Variants in HTT observed in about 807,000 individuals in gnomAD.
HTT encodes the protein huntingtin, also known as huntington disease protein.
HTT carries 104 observed loss-of-function variants against 362.3 expected under a neutral mutation model. The ratio of observed to expected loss-of-function variants is 0.29; its 90% CI spans 0.24 to 0.34. HTT has a LOEUF of 0.34. HTT is among the 10% of genes least tolerant of loss of function. The pLI is 1.00. For missense variants in HTT, 3,301 were observed against 3,928.6 expected (o/e 0.84, Z 4.27); for synonymous variants, 1,577 against 1,548.7 (o/e 1.02, Z -0.43).
intron 41 of HTT, 47 bp downstream of exon 41, chr4:3,199,986 G>A: frequency 6.7e-7 from 1 of 1,495,058 alleles, no homozygotes; most frequent in Non-Finnish European, 9.2e-7. Flanking sequence ...CCAGCACCCT[G>A]TCCTGAGACT....
At chr4:3,163,677 C>A (rs1017390046) in intron 29 of HTT, among the ~76,000 whole-genome samples, 13 of 152,092 alleles carry the variant, frequency 8.5e-5, no homozygotes, top group African/African-American at 1.4e-4. Flanking sequence ...GGAATTTATC[C>A]ATTTCTTCTA....
rs1276770084 is a variant in HTT, at chr4:3,104,524, G to T, written c.528+641G>T. ...CTCGGGAGGCTGAGGTAGGGGAATCGCTTGAACCTGGGGGTGGAGGTTGCA... is the reference window on the plus strand; with the variant it reads ...CTCGGGAGGCTGAGGTAGGGGAATCTCTTGAACCTGGGGGTGGAGGTTGCA... On this transcript the variant is annotated intron_variant, in intron 4 of 66. Transcript: ENST00000355072. 2.6e-5 allele frequency among the ~76,000 whole-genome samples: 4 copies of T among 151,968 alleles called. No individual in the cohort carries two copies. In the South Asian group the frequency reaches 6.2e-4, roughly 24 times the overall value.
In HTT at chr4:3,172,995, C is replaced by T. The variant is rs200657357; in HGVS notation, c.4030C>T (p.Arg1344Cys). The T allele has an allele frequency of 1.5e-5, 25 of 1,614,070 alleles. No homozygotes were observed. Among genetic ancestry groups the T allele is most frequent in the Admixed American group, 3.3e-5 (2 of 60,008 alleles). Reference sequence around the variant, plus strand: ...CAGCAAGTCACAAGGCCGAGCACAGCGCCTTGGCTCCTCCAGTGTGAGGCC... The same window carrying T: ...CAGCAAGTCACAAGGCCGAGCACAGTGCCTTGGCTCCTCCAGTGTGAGGCC... ...NPSKSQGRAQ[R>C]LGSSSVRPGL... The change falls in exon 31 of 67, where the codon CGC becomes TGC. Residue 1344 changes from arginine to cysteine, a missense_variant. Physicochemically the swap from Arg to Cys is radical, Grantham distance 180. Transcript: ENST00000355072.
intron 63 of HTT, 103 bp downstream of exon 63, chr4:3,235,881 C>A: frequency 1.1e-6 from 1 of 942,740 alleles, no homozygotes; most frequent in Non-Finnish European, 1.6e-6. Flanking sequence ...TCTGATTTCA[C>A]ACTTCTGGTG....
In HTT at chr4:3,139,478, G is replaced by A. The variant is rs191351354; in HGVS notation, c.2799-1032G>A. On this transcript the variant is annotated intron_variant, in intron 21 of 66. Coordinates refer to ENST00000355072, the MANE Select transcript of HTT (RefSeq NM_001388492.1). ...CTCCCAAAGTGCTGGGATTACAGGC[G>A]TGAGCCACCGTACCCAGCCAGTAGT... 6.6e-5 allele frequency among the ~76,000 whole-genome samples: 10 copies of A among 152,310 alleles called. No homozygotes were observed. In the East Asian group the frequency reaches 1.2e-3, roughly 18 times the overall value.
chr4:3,172,878 A>G lies in HTT; in HGVS notation c.3943-30A>G, dbSNP rs769099451. ...TTCTTAAAAGTGTTGTTCACGCCAC[A>G]TTGTTGATGCCTCATTTTTTTCACT... is the stretch of plus-strand genomic sequence containing the variant. On this transcript the variant is annotated intron_variant, in intron 30 of 66. Transcript: ENST00000355072. The G allele has an allele frequency of 2.0e-5, 30 of 1,477,722 alleles. No individual in the cohort carries two copies. The African/African-American group carries it at 3.7e-4, about 18-fold the overall frequency. 91.5% of individuals were successfully genotyped at this position (1,477,722 alleles called of 1,614,324 possible).
At chr4:3,204,615 C>A (rs1401710299) in intron 42 of HTT, among the ~76,000 whole-genome samples, 1 of 152,034 alleles carries the variant, frequency 6.6e-6, no homozygotes, top group Non-Finnish European at 1.5e-5. Context: ...TCACTTGAGC[C>A]CAGGAGTTTG....
chr4:3,137,327 A>G (rs1283653410), intron 21 of HTT, among the ~76,000 whole-genome samples: 2 of 152,104 alleles, frequency 1.3e-5, no homozygotes, highest in Non-Finnish European at 2.9e-5. Flanking sequence ...TGTCACCCCA[A>G]ATGTATCCTT....
intron 31 of HTT, among the ~76,000 whole-genome samples, chr4:3,173,614 A>T (rs183460474): frequency 6.6e-6 from 1 of 152,016 alleles, no homozygotes; most frequent in East Asian, 1.9e-4. Flanking sequence ...AGCATCTTGG[A>T]TATATTACCT....
At chr4:3,161,516 G>A (rs1717443863) in intron 29 of HTT, among the ~76,000 whole-genome samples, 1 of 152,090 alleles carries the variant, frequency 6.6e-6, no homozygotes, top group Non-Finnish European at 1.5e-5. Flanking sequence ...CACAATAGTT[G>A]AACTAATTTA....
At chr4:3,117,883 C>G (rs901429889) in intron 8 of HTT, among the ~76,000 whole-genome samples, 121 of 152,184 alleles carry the variant, frequency 8.0e-4, no homozygotes, top group African/African-American at 2.7e-3. Flanking sequence ...ATTGTTAGAC[C>G]TGAAAATATT....
chr4:3,177,771 G>C (rs184364288), intron 34 of HTT, among the ~76,000 whole-genome samples: 242 of 152,318 alleles, frequency 1.6e-3, no homozygotes, highest in African/African-American at 5.4e-3. Context: ...GCTTTTTCTT[G>C]CTAGATGTTG....
intron 1 of HTT, among the ~76,000 whole-genome samples, chr4:3,079,087 G>A (rs1308417544): frequency 6.6e-6 from 1 of 151,694 alleles, no homozygotes; most frequent in African/African-American, 2.4e-5. Context: ...GTAGAGATGG[G>A]GTTTTGCCAT....
intron 66 of HTT, among the ~76,000 whole-genome samples, chr4:3,239,248 G>A (rs1297350092): frequency 6.6e-6 from 1 of 152,210 alleles, no homozygotes; most frequent in Admixed American, 6.5e-5. Context: ...GGTGAGGGGA[G>A]CGAGGGTGGG....
At chr4:3,108,521 G>A (rs1478236252) in intron 6 of HTT, among the ~76,000 whole-genome samples, 1 of 152,160 alleles carries the variant, frequency 6.6e-6, no homozygotes, top group Non-Finnish European at 1.5e-5. Context: ...TGTACACTGG[G>A]GTCTGTTGAA....
intron 29 of HTT, among the ~76,000 whole-genome samples, chr4:3,161,604 G>C (rs1054429506): frequency 6.6e-6 from 1 of 152,058 alleles, no homozygotes; most frequent in African/African-American, 2.4e-5. Flanking sequence ...ACTTTTTAAC[G>C]ATCGCCATCC....
chr4:3,081,338 G>T (rs1712887325), intron 1 of HTT, among the ~76,000 whole-genome samples: 1 of 152,168 alleles, frequency 6.6e-6, no homozygotes, highest in Non-Finnish European at 1.5e-5. Flanking sequence ...CAATATGTAT[G>T]AGTGTCTGTG....
At chr4:3,216,065 C>T (rs1462360284) in intron 51 of HTT, among the ~76,000 whole-genome samples, 2 of 152,222 alleles carry the variant, frequency 1.3e-5, no homozygotes, top group Admixed American at 1.3e-4. Flanking sequence ...TCAGGAAACA[C>T]GCCTTTTCAA....
intron 31 of HTT, among the ~76,000 whole-genome samples, chr4:3,173,840 T>A (rs770416662): frequency 2.0e-5 from 3 of 152,022 alleles, no homozygotes; most frequent in Non-Finnish European, 4.4e-5. Context: ...GGCTAACTTT[T>A]TTTTGTATTT....
Sources: allele counts gnomAD v4.1 joint callset (sites outside exome capture counted in the v4.1 genomes callset), GRCh38; gene constraint gnomAD v4.1.1; transcripts MANE v1.5; gene names NCBI Gene and HGNC (gene_info 2026-07-23, HGNC 2026-07-21).